ODF1: variants seen among roughly 807,000 people sequenced by gnomAD.
ODF1 encodes the protein outer dense fiber protein 1.
A neutral mutation model predicts 24.0 loss-of-function variants in ODF1; 10 were observed. The observed-to-expected ratio is 0.42, with a 90% CI of 0.26 to 0.71. The LOEUF (loss-of-function observed/expected upper bound fraction) is 0.71, where lower values mean the gene tolerates loss of function less well. Among genes scored for constraint, ODF1 ranks in the 30% least tolerant of loss-of-function variants. ODF1 has a pLI of 0.28. For missense variants in ODF1, 282 were observed against 307.9 expected, an observed-to-expected ratio of 0.92 and a Z score of 0.63; for synonymous variants, 118 against 121.3, an observed-to-expected ratio of 0.97 and a Z score of 0.18.
chr8:102,553,829 G>T (rs1826078794), intron 1 of ODF1, among the ~76,000 whole-genome samples: 1 of 152,186 alleles, frequency 6.6e-6, no homozygotes, highest in Non-Finnish European at 1.5e-5. Flanking sequence ...TTAGGCAAGA[G>T]GTAATGTTTT....
Position 102,560,798 on chromosome 8 carries a change from C to A in ODF1, c.667C>A (p.Pro223Thr), listed in dbSNP as rs150771034. The change falls in exon 2 of 2, where the codon CCC becomes ACC. Residue 223 changes from proline (P) to threonine (T), a missense_variant. Coordinates refer to ENST00000285402, the MANE Select transcript of ODF1 (RefSeq NM_024410.4). Reference sequence around the variant, plus strand: ...CTGCAGCCCCTGCAACCCCTGCAGCCCCTGCAACCCGTGCAGCCCATATGA... The same window carrying A: ...CTGCAGCCCCTGCAACCCCTGCAGCACCTGCAACCCGTGCAGCCCATATGA... ...SPCSPCNPCS[P>T]CNPCSPYDPC... The A allele has an allele frequency of 0.021, 18,239 of 863,300 alleles. 131 individuals carry two copies. The highest frequency in any genetic ancestry group is 0.024 in the Non-Finnish European group (16,084 of 659,822). The allele number at this position is 863,300 out of a possible 1,614,324, so 53.5% of individuals were successfully genotyped here.
Position 102,560,759 on chromosome 8 carries a change from A to G in ODF1, c.628A>G (p.Ser210Gly), listed in dbSNP as rs1826170971. 1 of 1,575,336 alleles carries G rather than the reference A, an allele frequency of 6.3e-7. No individual in the cohort carries two copies. Among genetic ancestry groups the G allele is most frequent in the African/African-American group, 1.4e-5 (1 of 70,764 alleles). Residue 210 changes from serine (S) to glycine (G), a missense_variant, in exon 2 of 2, where the codon AGC becomes GGC. Physicochemically the swap from Ser to Gly is moderately conservative, Grantham distance 56. Transcript: ENST00000285402. ...SPCYPCTSPC[S>G]PCSPCSPCNP... ...TTGCTACCCTTGCACTTCTCCTTGC[A>G]GCCCCTGCAGCCCCTGCAGCCCCTG...
chr8:102,551,861 G>T lies in ODF1; in HGVS notation c.134G>T (p.Cys45Phe), dbSNP rs1826045546. The change falls in exon 1 of 2, where the codon TGC becomes TTC. Residue 45 changes from cysteine (C) to phenylalanine (F), a missense_variant. Coordinates refer to ENST00000285402, the MANE Select transcript of ODF1 (RefSeq NM_024410.4). ...TGCGACTTGTATATGCACCCCTATT[G>T]CTGCTGTGACTTGCACCCATATCCG... ...CLCDLYMHPY[C>F]CCDLHPYPYC... The T allele has an allele frequency of 5.6e-6, 9 of 1,614,086 alleles. No homozygotes were observed. Among genetic ancestry groups the T allele is most frequent in the Non-Finnish European group, 7.6e-6 (9 of 1,180,020 alleles).
Position 102,560,542 on chromosome 8 carries a change from T to C in ODF1, c.411T>C (p.Asp137=). ...GSVNVCGFEP[D]QVKVRVKDGK... ...TGAATGTATGCGGTTTTGAACCCGA[T>C]CAAGTCAAAGTTCGAGTGAAGGATG... Residue 137 remains aspartate, a synonymous_variant, in exon 2 of 2, where the codon GAT becomes GAC. Transcript: ENST00000285402. The C allele has an allele frequency of 6.2e-7, 1 of 1,614,186 alleles. No individual in the cohort carries two copies. Among genetic ancestry groups the C allele is most frequent in the Non-Finnish European group, 8.5e-7 (1 of 1,180,040 alleles).
chr8:102,554,813 C>A (rs1163138299), intron 1 of ODF1, among the ~76,000 whole-genome samples: 2 of 152,080 alleles, frequency 1.3e-5, no homozygotes, highest in African/African-American at 2.4e-5. Context: ...AAAAAATTAA[C>A]CAAGTGTGGT....
chr8:102,557,599 G>A (rs1374513817), intron 1 of ODF1, among the ~76,000 whole-genome samples: 1 of 152,202 alleles, frequency 6.6e-6, no homozygotes, highest in Non-Finnish European at 1.5e-5. Flanking sequence ...CGCTGACTTG[G>A]GCTTATAGAC....
At chr8:102,557,598 GGGCTTATAGACCT>G (rs1241725670) in intron 1 of ODF1, among the ~76,000 whole-genome samples, 1 of 152,194 alleles carries the variant, frequency 6.6e-6, no homozygotes, top group Non-Finnish European at 1.5e-5. Context: ...GCGCTGACTT[GGGCTTATAGACCT>G]GGCTCCCAGA....
rs1826178402 is a variant in ODF1, at chr8:102,560,980, T to C, written c.*96T>C. On this transcript the variant is annotated 3_prime_UTR_variant, in exon 2 of 2. Transcript: ENST00000285402. ...CTCTCCTTCCCATGGCCCCTGTTGT[T>C]GAAGTACGTAGGAAACTGAATACAT... The C allele has an allele frequency of 8.4e-7, 1 of 1,188,866 alleles. No homozygotes were observed. The highest frequency in any genetic ancestry group is 1.2e-6 in the Non-Finnish European group (1 of 842,202). 73.6% of individuals were successfully genotyped at this position (1,188,866 alleles called of 1,614,324 possible).
chr8:102,557,430 C>CT lies in ODF1; in HGVS notation c.321-3017dup, dbSNP rs1826125699. Among the ~76,000 whole-genome samples, 5 of 152,330 alleles carry CT rather than the reference C, an allele frequency of 3.3e-5. 1 individual carries two copies. In the South Asian group the frequency reaches 1.0e-3, roughly 32 times the overall value. ...AAAAAGAAGTATGATCTGGCCAAGA[C>CT]TTTTTGGGCAACTTCCTGAAGACAT... On this transcript the variant is annotated intron_variant, in intron 1 of 1. Coordinates refer to ENST00000285402, the MANE Select transcript of ODF1 (RefSeq NM_024410.4).
In ODF1 at chr8:102,552,066, A is replaced by G. The variant is rs776114331; in HGVS notation, c.320+19A>G. 4 of 1,546,532 alleles carry G rather than the reference A, an allele frequency of 2.6e-6. No individual in the cohort carries two copies. The Admixed American group carries it at 7.9e-5, about 30-fold the overall frequency. ...TTGCCAAGTAAAATAACTTATTTTT[A>G]AATTTTTATAGTCGGTATATTAGCC... On this transcript the variant is annotated intron_variant, in intron 1 of 1. Transcript: ENST00000285402.
chr8:102,560,429 C>T (rs757411998), intron 1 of ODF1, 23 bp from the exon 2 acceptor site: 8 of 1,608,418 alleles, frequency 5.0e-6, no homozygotes, highest in South Asian at 1.1e-5. Flanking sequence ...TCCCTCCCAC[C>T]CTATCCCTTT....
At chr8:102,556,073 T>G (rs1402839600) in intron 1 of ODF1, among the ~76,000 whole-genome samples, 1 of 152,174 alleles carries the variant, frequency 6.6e-6, no homozygotes, top group Non-Finnish European at 1.5e-5. Flanking sequence ...GACATACACT[T>G]TATTGAGTGA....
chr8:102,552,486 A>T (rs950905193), intron 1 of ODF1, among the ~76,000 whole-genome samples: 1 of 152,162 alleles, frequency 6.6e-6, no homozygotes, highest in African/African-American at 2.4e-5. Flanking sequence ...GAGGCTTTAC[A>T]AGCAGGAGAG....
At chr8:102,558,687 G>A (rs911917428) in intron 1 of ODF1, among the ~76,000 whole-genome samples, 7 of 151,798 alleles carry the variant, frequency 4.6e-5, no homozygotes, top group Admixed American at 3.9e-4. Flanking sequence ...AAATCAGTAC[G>A]TATAGCATGA....
chr8:102,559,509 G>A (rs1276447844), intron 1 of ODF1, among the ~76,000 whole-genome samples: 1 of 151,650 alleles, frequency 6.6e-6, no homozygotes, highest in East Asian at 1.9e-4. Flanking sequence ...TCAGCGTGCA[G>A]TACTAACTGG....
At chr8:102,559,186 G>A (rs539239160) in intron 1 of ODF1, among the ~76,000 whole-genome samples, 32 of 151,340 alleles carry the variant, frequency 2.1e-4, no homozygotes, top group Non-Finnish European at 3.7e-4. Flanking sequence ...CAGTTTTACA[G>A]ATGAGGAAAC....
intron 1 of ODF1, among the ~76,000 whole-genome samples, chr8:102,554,931 C>G (rs183110103): frequency 6.3e-4 from 96 of 152,250 alleles, no homozygotes; most frequent in African/African-American, 2.1e-3. Flanking sequence ...ACACTCCAGC[C>G]TGGACAATAG....
chr8:102,558,453 C>CA (rs1346764710), intron 1 of ODF1, among the ~76,000 whole-genome samples: 3 of 149,948 alleles, frequency 2.0e-5, no homozygotes, highest in East Asian at 2.0e-4. Context: ...GACCCCGTCT[C>CA]AAAAAAAAGA....
Position 102,551,662 on chromosome 8 carries a change from A to G in ODF1, c.-66A>G. ...TAAAAGCAACTTCTGAGAAGGGCTT[A>G]GAACAAATTTTTTCCCGGAGTGCCA... is the stretch of plus-strand genomic sequence containing the variant. On this transcript the variant is annotated 5_prime_UTR_variant, in exon 1 of 2. Transcript: ENST00000285402. 3 of 1,381,558 alleles carry G rather than the reference A, an allele frequency of 2.2e-6. No homozygotes were observed. Among genetic ancestry groups the G allele is most frequent in the South Asian group, 1.4e-5 (1 of 71,550 alleles). 85.6% of individuals were successfully genotyped at this position (1,381,558 alleles called of 1,614,324 possible). A position where few individuals can be genotyped will look rare whatever the true frequency, so the allele number is the denominator to read the frequency against.
Sources: allele counts gnomAD v4.1 joint callset (sites outside exome capture counted in the v4.1 genomes callset), GRCh38; gene constraint gnomAD v4.1.1; transcripts MANE v1.5; gene names NCBI Gene and HGNC (gene_info 2026-07-23, HGNC 2026-07-21).